Variants in TUB observed in about 807,000 individuals in gnomAD.
TUB encodes the protein TUB bipartite transcription factor.
In TUB, 33 loss-of-function variants were observed where a neutral mutation model predicts 59.7. The ratio of observed to expected loss-of-function variants is 0.55; its 90% CI spans 0.42 to 0.74. TUB has a LOEUF of 0.74. Ranked by LOEUF, TUB falls within the 30% of genes least tolerant of loss-of-function variation. The probability of loss-of-function intolerance (pLI) is 0.00; values close to 1 mark genes in which losing one functional copy is unlikely to be tolerated. For synonymous variants in TUB, 293 were observed against 256.4 expected (o/e 1.14, Z -1.36); for missense variants, 659 against 672.0 (o/e 0.98, Z 0.21).
exon 2 of TUB, chr11:8,039,645 G>T: frequency 6.6e-7 from 1 of 1,509,248 alleles, no homozygotes; most frequent in South Asian, 1.3e-5. Context: ...TCCTCCTCAG[G>T]AGAACAACCA....
At chr11:8,069,451 G>C (rs183929109) in intron 2 of TUB, 1 of 151,504 alleles carries the variant, frequency 6.6e-6, no homozygotes, top group Non-Finnish European at 1.5e-5. Flanking sequence ...TAAGTTCTTA[G>C]AGTAGATTTC....
At chr11:8,024,126 C>A (rs1316855597) in intron 1 of TUB, among the ~76,000 whole-genome samples, 2 of 152,212 alleles carry the variant, frequency 1.3e-5, no homozygotes, top group Non-Finnish European at 2.9e-5. Flanking sequence ...GCCTACCAGC[C>A]TTTTCCCGGC....
At chr11:8,049,814 A>G (rs963742525) in intron 2 of TUB, among the ~76,000 whole-genome samples, 1 of 152,134 alleles carries the variant, frequency 6.6e-6, no homozygotes, top group Admixed American at 6.5e-5. Context: ...CATTTTGATT[A>G]ATTTTCATCT....
At chr11:8,088,151 C>T (rs1943702464) in intron 1 of TUB, among the ~76,000 whole-genome samples, 2 of 152,216 alleles carry the variant, frequency 1.3e-5, no homozygotes, top group Admixed American at 1.3e-4. Context: ...TGCAGAGCAG[C>T]TCGTGGGTAC....
chr11:8,075,362 T>A (rs1201429138), intron 2 of TUB, among the ~76,000 whole-genome samples: 13 of 152,228 alleles, frequency 8.5e-5, no homozygotes, highest in Non-Finnish European at 4.4e-5. Flanking sequence ...GAATCTGAAT[T>A]TGAACTCTAT....
intron 9 of TUB, among the ~76,000 whole-genome samples, chr11:8,099,333 G>A (rs1374460354): frequency 1.3e-5 from 2 of 152,084 alleles, no homozygotes; most frequent in South Asian, 2.1e-4. Flanking sequence ...GCTCAAAAAC[G>A]ACCAAACTGG....
chr11:8,081,592 G>A, intron 1 of TUB, 44 bp downstream of exon 1: 3 of 1,485,534 alleles, frequency 2.0e-6, no homozygotes, highest in Non-Finnish European at 1.8e-6. Context: ...CCCGACTCGG[G>A]ACGTGAGCTG....
chr11:8,080,662 T>C (rs1395181196), upstream of TUB, among the ~76,000 whole-genome samples: 3 of 152,184 alleles, frequency 2.0e-5, no homozygotes, highest in Admixed American at 6.5e-5. Flanking sequence ...GGGAATGCAA[T>C]AGACCGTAAA....
At chr11:8,052,293 CA>C (rs1388669877) in intron 2 of TUB, among the ~76,000 whole-genome samples, 1 of 152,106 alleles carries the variant, frequency 6.6e-6, no homozygotes, top group Non-Finnish European at 1.5e-5. Context: ...ATTGCAGTTC[CA>C]TACAGGAACA....
At chr11:8,028,235 T>C (rs967577514) in intron 1 of TUB, among the ~76,000 whole-genome samples, 1 of 152,268 alleles carries the variant, frequency 6.6e-6, no homozygotes, top group African/African-American at 2.4e-5. Flanking sequence ...TGTGCTTATC[T>C]GACCATTTAT....
intron 9 of TUB, 39 bp downstream of exon 9, chr11:8,098,914 G>T: frequency 2.7e-6 from 4 of 1,461,960 alleles, no homozygotes; most frequent in Non-Finnish European, 3.8e-6. Flanking sequence ...TTCCAAGGTA[G>T]ATATGAAATC....
rs77610257 is a variant in TUB at position 8,071,755 on chromosome 11, G to A, written c.204-17855G>A. On this transcript the variant is annotated intron_variant, in intron 2 of 12. Transcript: ENST00000305253. The stretch of plus-strand genomic sequence containing the variant: ...AGAGAGCTGGGGTGTGTGCGGTGCA[G>A]GGCCAGGAGGCTGGGGCCAAGCAGA... 1.7e-4 allele frequency among the ~76,000 whole-genome samples: 26 copies of A among 152,302 alleles called. No individual in the cohort carries two copies. In the East Asian group the frequency reaches 5.0e-3, roughly 29 times the overall value.
chr11:8,023,228 T>C (rs537678564), intron 1 of TUB, among the ~76,000 whole-genome samples: 7 of 152,298 alleles, frequency 4.6e-5, no homozygotes, highest in Admixed American at 1.3e-4. Flanking sequence ...GTTTAGAACT[T>C]GCACATCACT....
At chr11:8,064,359 A>G (rs1387163130) in intron 2 of TUB, among the ~76,000 whole-genome samples, 1 of 152,242 alleles carries the variant, frequency 6.6e-6, no homozygotes, top group Non-Finnish European at 1.5e-5. Context: ...TTACCATGTT[A>G]TGCTTGTGGC....
intron 6 of TUB, 39 bp downstream of exon 6, chr11:8,096,845 G>C: frequency 6.2e-7 from 1 of 1,607,474 alleles, no homozygotes; most frequent in Non-Finnish European, 8.5e-7. Flanking sequence ...GTTTTTGGAG[G>C]ACTGCTCATC....
chr11:8,029,749 G>C (rs1942545327), intron 1 of TUB, among the ~76,000 whole-genome samples: 1 of 152,118 alleles, frequency 6.6e-6, no homozygotes, highest in Non-Finnish European at 1.5e-5. Context: ...CTCGGTGTGT[G>C]TTCTGTGATA....
At chr11:8,078,734 T>C (rs1943490925), upstream of TUB, among the ~76,000 whole-genome samples, 1 of 152,058 alleles carries the variant, frequency 6.6e-6, no homozygotes, top group Non-Finnish European at 1.5e-5. Flanking sequence ...CATTGCTGCG[T>C]ACACTGAAAC....
At chr11:8,084,860 A>G (rs1360244147) in intron 1 of TUB, among the ~76,000 whole-genome samples, 2 of 152,202 alleles carry the variant, frequency 1.3e-5, no homozygotes, top group African/African-American at 2.4e-5. Flanking sequence ...CAGAAAGAGA[A>G]TCTCAGACTG....
At chr11:8,097,451 A>C in intron 7 of TUB, 26 bp downstream of exon 7, 2 of 1,614,070 alleles carry the variant, frequency 1.2e-6, no homozygotes, top group Non-Finnish European at 1.7e-6. Context: ...GCATGTTATC[A>C]TCTAGGCTTT....
Sources: gnomAD v4.1 joint callset for allele counts (sites outside exome capture counted in the v4.1 genomes callset) on GRCh38, gnomAD v4.1.1 for gene constraint, MANE v1.5 for transcripts, NCBI Gene and HGNC (gene_info 2026-07-23, HGNC 2026-07-21) for gene names.